Variants in ZSCAN31 observed in about 807,000 individuals in gnomAD.
The protein encoded by ZSCAN31 is zinc finger and SCAN domain-containing protein 31.
ZSCAN31 carries 14 observed loss-of-function variants against 22.5 expected under a neutral mutation model. The ratio of observed to expected loss-of-function variants is 0.62; its 90% CI spans 0.41 to 0.97. The LOEUF (loss-of-function observed/expected upper bound fraction) is 0.97. Among genes scored for constraint, ZSCAN31 ranks in the 50% least tolerant of loss-of-function variants. ZSCAN31 has a pLI of 0.00. For synonymous variants in ZSCAN31, 168 were observed against 169.8 expected, an observed-to-expected ratio of 0.99 and a Z score of 0.08; for missense variants, 424 against 483.4, an observed-to-expected ratio of 0.88 and a Z score of 1.15.
upstream of ZSCAN31, chr6:28,355,407 A>C (rs772439219): frequency 3.3e-5 from 5 of 152,228 alleles, no homozygotes; most frequent in Non-Finnish European, 7.3e-5. Flanking sequence ...ATATGCAGTT[A>C]GTAACTGCTT....
rs1408780094 is a variant in ZSCAN31, at chr6:28,325,258, AC to A, written c.*907del. 6.6e-6 allele frequency: 1 copy of A among 152,162 alleles called. No homozygotes were observed. The allele number at this position is 152,162 out of a possible 1,614,324, so 9.4% of individuals were successfully genotyped here. ...CAATGGCACTCAAAGTTGCTGACCA[AC>A]CCCCAAAAGAAGAATAATGCTGACA... On this transcript the variant is annotated 3_prime_UTR_variant, in exon 4 of 4. Transcript: ENST00000344279.
rs1262357291 is a variant in ZSCAN31 at position 28,333,200 on chromosome 6, A to G, written c.-96+2882T>C. Reference sequence around the variant, plus strand: ...ACTCATGAAAGGGAGACAGAAAAATAAAAGGTAGTTGACTGCTGACTCAGC... The same window carrying G: ...ACTCATGAAAGGGAGACAGAAAAATGAAAGGTAGTTGACTGCTGACTCAGC... On this transcript the variant is annotated intron_variant, in intron 1 of 3. Transcript: ENST00000344279. The surrounding 1 kb of genome is among the most constrained non-coding windows in gnomAD (Gnocchi z 4.1). Among the ~76,000 whole-genome samples the G allele has an allele frequency of 6.6e-6, 1 of 152,256 alleles. No homozygotes were observed. Among genetic ancestry groups the G allele is most frequent in the Non-Finnish European group, 1.5e-5 (1 of 68,048 alleles).
At chr6:28,343,133 C>A (rs946665657) in intron 2 of ZSCAN31, among the ~76,000 whole-genome samples, 3 of 152,100 alleles carry the variant, frequency 2.0e-5, no homozygotes, top group African/African-American at 7.2e-5. Context: ...ACACTCTCTG[C>A]CTGCATTGAT....
At chr6:28,341,534 T>C (rs1337865336) in intron 3 of ZSCAN31, among the ~76,000 whole-genome samples, 2 of 152,160 alleles carry the variant, frequency 1.3e-5, no homozygotes, top group African/African-American at 4.8e-5. Flanking sequence ...GCCATCACCT[T>C]AGGGGCTAGG....
chr6:28,353,836 T>C (rs1417018341), intron 2 of ZSCAN31: 1 of 456,992 alleles, frequency 2.2e-6, no homozygotes, highest in East Asian at 6.9e-5. Flanking sequence ...AATTATACTA[T>C]TAGCCAACAT....
rs1441245807 is a variant in ZSCAN31, at chr6:28,349,408, A to G, written c.-371+4454T>C. Among the ~76,000 whole-genome samples, 2 of 152,102 alleles carry G rather than the reference A, an allele frequency of 1.3e-5. No homozygotes were observed. The highest frequency in any genetic ancestry group is 2.4e-5 in the African/African-American group (1 of 41,412). On this transcript the variant is annotated intron_variant, in intron 2 of 7. Transcript: ENST00000396838. This position sits in a 1 kb window ranked among gnomAD's most constrained non-coding sequence, Gnocchi z 4.1. The stretch of plus-strand genomic sequence containing the variant: ...AATGTGATTGTGAACATGAATTTTA[A>G]AAAGTCCAGCCAACTTGCTAAACTC...
chr6:28,350,205 T>C (rs1764896081), intron 2 of ZSCAN31: 1 of 152,280 alleles, frequency 6.6e-6, no homozygotes, highest in African/African-American at 2.4e-5. Flanking sequence ...GGAAGGGCGC[T>C]CTGCGGCGGA....
exon 2 of ZSCAN31, chr6:28,353,870 T>C (rs749349892): frequency 1.3e-5 from 6 of 456,758 alleles, no homozygotes. Context: ...ACCACTGTCA[T>C]GCCAAGTGTC....
chr6:28,350,652 T>C (rs948296785), intron 2 of ZSCAN31, among the ~76,000 whole-genome samples: 1 of 152,194 alleles, frequency 6.6e-6, no homozygotes, highest in Non-Finnish European at 1.5e-5. Context: ...CTTTTATTAG[T>C]GGTACTATTA....
At position 28,326,531 on chromosome 6, in the gene ZSCAN31, G is replaced by A. The variant is rs144342985; in HGVS notation, c.856C>T (p.Arg286Trp). The change falls in exon 4 of 4, where the codon CGG becomes TGG. Residue 286 changes from arginine (R) to tryptophan (W), a missense_variant. Physicochemically the swap from Arg to Trp is moderately radical, Grantham distance 101 (BLOSUM62 -3). Transcript: ENST00000344279. ...GGTTTCTCTCCAGTGTGGCTCCGCC[G>A]ATGTTCATTCAGGCTTGACCTCCGG... is the stretch of plus-strand genomic sequence containing the variant. ...FSRRSSLNEH[R>W]RSHTGEKPYQ... 2.5e-4 allele frequency: 396 copies of A among 1,614,044 alleles called. No individual in the cohort carries two copies. In the African/African-American group the frequency reaches 2.9e-3, roughly 12 times the overall value.
intron 1 of ZSCAN31, 24 bp downstream of exon 1, chr6:28,336,058 T>TCG (rs1314946522): frequency 1.3e-5 from 2 of 151,764 alleles, no homozygotes; most frequent in African/African-American, 2.4e-5. Flanking sequence ...ACCTGGCGGG[T>TCG]CGCGACAAGG....
At chr6:28,340,507 A>G (rs1764370138), upstream of ZSCAN31, among the ~76,000 whole-genome samples, 1 of 152,170 alleles carries the variant, frequency 6.6e-6, no homozygotes, top group South Asian at 2.1e-4. Flanking sequence ...TGCCATGTGA[A>G]GAAGAACATG....
intron 2 of ZSCAN31, 128 bp downstream of exon 2, chr6:28,329,175 A>T: frequency 8.6e-7 from 1 of 1,164,174 alleles, no homozygotes; most frequent in Non-Finnish European, 1.2e-6. Context: ...CTTGGCCATT[A>T]AGGTTTAGGG....
In ZSCAN31 at chr6:28,333,475, A is replaced by T. The variant is rs1763916084; in HGVS notation, c.-96+2607T>A. ...AAAGCAACAACAAAAATAAGTAAGG[A>T]GGCAAATAAAATAATTATGAGTTGT... On this transcript the variant is annotated intron_variant, in intron 1 of 3. Transcript: ENST00000344279. The surrounding 1 kb of genome is among the most constrained non-coding windows in gnomAD (Gnocchi z 4.1). Among the ~76,000 whole-genome samples, 1 of 152,220 alleles carries T rather than the reference A, an allele frequency of 6.6e-6. No individual in the cohort carries two copies. Among genetic ancestry groups the T allele is most frequent in the Admixed American group, 6.5e-5 (1 of 15,280 alleles).
chr6:28,346,959 C>G (rs17378623), intron 2 of ZSCAN31, among the ~76,000 whole-genome samples: 1,766 of 152,230 alleles, frequency 0.012, 10 homozygotes, highest in Non-Finnish European at 0.017. Flanking sequence ...CTATACCAAA[C>G]GAACAGGAGA....
At position 28,331,726 on chromosome 6, in the gene ZSCAN31, C is replaced by T. The variant is rs1325274337; in HGVS notation, c.-95-1948G>A. On this transcript the variant is annotated intron_variant, in intron 1 of 3. Transcript: ENST00000344279. This position sits in a 1 kb window ranked among gnomAD's most constrained non-coding sequence, Gnocchi z 4.8. ...TCCATTATTATTAAACATGTAGCTTCTCATGGCCTTAGGTTTATAGGCAAA... is the reference window on the plus strand; with the variant it reads ...TCCATTATTATTAAACATGTAGCTTTTCATGGCCTTAGGTTTATAGGCAAA... Among the ~76,000 whole-genome samples, 2 of 152,212 alleles carry T rather than the reference C, an allele frequency of 1.3e-5. No individual in the cohort carries two copies. The highest frequency in any genetic ancestry group is 2.4e-5 in the African/African-American group (1 of 41,450).
At chr6:28,346,342 C>CTTTTTTTTTTTTTTTTT (rs5875155) in intron 2 of ZSCAN31, among the ~76,000 whole-genome samples, 6 of 87,768 alleles carry the variant, frequency 6.8e-5, no homozygotes, top group African/African-American at 2.3e-4. Context: ...TCAGTACAAT[C>CTTTTTTTTTTTTTTTTT]TTTTTTTTTT....
At chr6:28,352,592 G>T (rs1447215147) in intron 2 of ZSCAN31, among the ~76,000 whole-genome samples, 2 of 152,134 alleles carry the variant, frequency 1.3e-5, no homozygotes, top group Non-Finnish European at 2.9e-5. Context: ...TGTTTTAAAA[G>T]CTCCCCAGTG....
intron 1 of ZSCAN31, among the ~76,000 whole-genome samples, chr6:28,334,484 C>T (rs1004278463): frequency 6.6e-6 from 1 of 152,170 alleles, no homozygotes; most frequent in Non-Finnish European, 1.5e-5. Context: ...TAATTAACAA[C>T]AGCAACAAAG....
Sources: gnomAD v4.1 joint callset for allele counts (sites outside exome capture counted in the v4.1 genomes callset) on GRCh38, gnomAD v4.1.1 for gene constraint, Gnocchi (gnomAD v3.1) non-coding constraint, MANE v1.5 for transcripts, NCBI Gene and HGNC (gene_info 2026-07-23, HGNC 2026-07-21) for gene names.